Variants in CADPS observed in about 807,000 individuals in gnomAD.
The protein encoded by CADPS is calcium dependent secretion activator.
Under a neutral mutation model 167.3 loss-of-function variants are expected in CADPS, and 57 were observed. The ratio of observed to expected loss-of-function variants is 0.34; its 90% CI spans 0.28 to 0.42. The LOEUF is 0.42. Among genes scored for constraint, CADPS ranks in the 20% least tolerant of loss-of-function variants. The pLI is 1.00. For missense variants in CADPS, 1,414 were observed against 1,738.1 expected, an observed-to-expected ratio of 0.81 and a Z score of 3.32; for synonymous variants, 676 against 635.3, an observed-to-expected ratio of 1.06 and a Z score of -0.96.
chr3:62,710,779 A>T (rs1486370954), intron 3 of CADPS, among the ~76,000 whole-genome samples: 1 of 152,246 alleles, frequency 6.6e-6, no homozygotes, highest in Non-Finnish European at 1.5e-5. Flanking sequence ...GAGGTGATAA[A>T]GAATAGGAAA....
chr3:62,644,367 G>A lies in CADPS; in HGVS notation c.1325+1355C>T, dbSNP rs541657554. Among the ~76,000 whole-genome samples, 6 of 152,224 alleles carry A rather than the reference G, an allele frequency of 3.9e-5. No homozygotes were observed. In the South Asian group the frequency reaches 1.2e-3, roughly 32 times the overall value. ...AAGTAGTGGGTAGGGAGGGAAGGGA[G>A]CAATGATCTCTCAAGAATCTTTGAG... On this transcript the variant is annotated intron_variant, in intron 6 of 29. Coordinates refer to ENST00000383710, the MANE Select transcript of CADPS (RefSeq NM_003716.4).
At chr3:62,532,385 GTGAC>G (rs2073882385) in intron 13 of CADPS, among the ~76,000 whole-genome samples, 1 of 152,138 alleles carries the variant, frequency 6.6e-6, no homozygotes, top group Non-Finnish European at 1.5e-5. Context: ...GTGTATCAGA[GTGAC>G]TGACACTAAG....
chr3:62,721,551 C>T (rs567610517), intron 3 of CADPS, among the ~76,000 whole-genome samples: 15 of 152,142 alleles, frequency 9.9e-5, no homozygotes, highest in Middle Eastern at 3.4e-3. Flanking sequence ...ACTGCTGTGA[C>T]GCTTCCTGAA....
rs201561493 is a variant in CADPS, at chr3:62,646,161, C to G, written c.1204-318G>C. On this transcript the variant is annotated intron_variant, in intron 5 of 29. Coordinates refer to ENST00000383710, the MANE Select transcript of CADPS (RefSeq NM_003716.4). ...TTTCATTTCTACCAAGGAATTGGCT[C>G]TTTTTTTTTTTTTTTTTTGAGATGG... Among the ~76,000 whole-genome samples the G allele has an allele frequency of 2.3e-5, 3 of 129,092 alleles. No homozygotes were observed. In the East Asian group the frequency reaches 6.6e-4, roughly 28 times the overall value. The allele number at this position is 129,092 out of a possible 152,430, so 84.7% of individuals were successfully genotyped here. A position where few individuals can be genotyped will look rare whatever the true frequency, so the allele number is the denominator to read the frequency against.
At chr3:62,593,092 A>T (rs2086424476) in intron 6 of CADPS, among the ~76,000 whole-genome samples, 2 of 152,206 alleles carry the variant, frequency 1.3e-5, no homozygotes, top group South Asian at 4.1e-4. Flanking sequence ...GCATCCTTTG[A>T]CTTCCTCATT....
chr3:62,714,446 G>C (rs976785274), intron 3 of CADPS, among the ~76,000 whole-genome samples: 2 of 152,078 alleles, frequency 1.3e-5, no homozygotes, highest in Admixed American at 1.3e-4. Flanking sequence ...GTAAATGGAG[G>C]CCAGAAAGAT....
intron 6 of CADPS, among the ~76,000 whole-genome samples, chr3:62,614,980 T>C (rs2062035988): frequency 1.3e-5 from 2 of 152,316 alleles, no homozygotes; most frequent in South Asian, 2.1e-4. Context: ...AAGTGTCAGA[T>C]ACCATTGAGA....
intron 9 of CADPS, among the ~76,000 whole-genome samples, chr3:62,561,539 G>T (rs1032398622): frequency 6.6e-6 from 1 of 151,858 alleles, no homozygotes. Flanking sequence ...CAAAGTGCTG[G>T]GATTACAGGC....
intron 3 of CADPS, among the ~76,000 whole-genome samples, chr3:62,746,861 C>A (rs1450103835): frequency 6.6e-6 from 1 of 152,144 alleles, no homozygotes; most frequent in Non-Finnish European, 1.5e-5. Context: ...AACAGACGAC[C>A]TGGCTAAGTC....
intron 12 of CADPS, 130 bp downstream of exon 12, chr3:62,536,315 C>T (rs1270233539): frequency 9.0e-6 from 7 of 776,446 alleles, no homozygotes; most frequent in African/African-American, 3.5e-5. Context: ...CCCAGGAAAT[C>T]GGGAACACAT....
At chr3:62,788,201 T>C (rs1197259207) in intron 1 of CADPS, among the ~76,000 whole-genome samples, 2 of 152,196 alleles carry the variant, frequency 1.3e-5, no homozygotes, top group African/African-American at 4.8e-5. Context: ...TCTCATTAGA[T>C]ACCTCCCTTA....
chr3:62,492,807 G>C (rs1307984370), intron 19 of CADPS, among the ~76,000 whole-genome samples: 3 of 152,026 alleles, frequency 2.0e-5, no homozygotes, highest in African/African-American at 7.2e-5. Context: ...TTAAAATCTG[G>C]GAGTTTCTTC....
intron 3 of CADPS, among the ~76,000 whole-genome samples, chr3:62,751,154 A>G (rs78298496): frequency 0.019 from 2,904 of 152,282 alleles, 49 homozygotes; most frequent in South Asian, 0.059. Context: ...ATTGTCATAG[A>G]AATGGGTATT....
At chr3:62,587,117 G>T (rs1230016857) in intron 7 of CADPS, among the ~76,000 whole-genome samples, 1 of 152,208 alleles carries the variant, frequency 6.6e-6, no homozygotes, top group Non-Finnish European at 1.5e-5. Flanking sequence ...AGTAGGTCAG[G>T]TGTTGGCTCC....
chr3:62,463,196 C>T (rs899141732), intron 26 of CADPS, among the ~76,000 whole-genome samples: 1 of 152,134 alleles, frequency 6.6e-6, no homozygotes, highest in African/African-American at 2.4e-5. Context: ...CTCTCTGGTG[C>T]CCTGTTCTTG....
chr3:62,554,722 G>A (rs938204137), intron 10 of CADPS, among the ~76,000 whole-genome samples: 1 of 152,066 alleles, frequency 6.6e-6, no homozygotes, highest in African/African-American at 2.4e-5. Context: ...GGTTAGAAAT[G>A]GGGCCCAGGA....
chr3:62,624,501 T>TA (rs1048436745), intron 6 of CADPS, among the ~76,000 whole-genome samples: 12 of 151,794 alleles, frequency 7.9e-5, no homozygotes, highest in African/African-American at 9.7e-5. Context: ...ATATTTTTTT[T>TA]AAAAAAACCT....
chr3:62,514,951 T>C lies in CADPS; in HGVS notation c.2581+1108A>G, dbSNP rs919144075. On this transcript the variant is annotated intron_variant, in intron 16 of 29. Coordinates refer to ENST00000383710, the MANE Select transcript of CADPS (RefSeq NM_003716.4). This position sits in a 1 kb window ranked among gnomAD's most constrained non-coding sequence, Gnocchi z 4.2. The stretch of plus-strand genomic sequence containing the variant: ...TTGGTGCCCAATTCTTAAGTGTTTC[T>C]CCCTGGATGCATAACAGTGAATTCA... Among the ~76,000 whole-genome samples, 1 of 152,142 alleles carries C rather than the reference T, an allele frequency of 6.6e-6. No individual in the cohort carries two copies. The highest frequency in any genetic ancestry group is 1.5e-5 in the Non-Finnish European group (1 of 68,022).
intron 6 of CADPS, among the ~76,000 whole-genome samples, chr3:62,639,909 C>T (rs2067085591): frequency 6.6e-6 from 1 of 152,154 alleles, no homozygotes; most frequent in South Asian, 2.1e-4. Context: ...CTTGCTGTTT[C>T]CTCTTCCCTA....
Sources: gnomAD v4.1 joint callset for allele counts (sites outside exome capture counted in the v4.1 genomes callset) on GRCh38, gnomAD v4.1.1 for gene constraint, Gnocchi (gnomAD v3.1) non-coding constraint, MANE v1.5 for transcripts, NCBI Gene and HGNC (gene_info 2026-07-23, HGNC 2026-07-21) for gene names.